BTBD9: variants seen among roughly 807,000 people sequenced by gnomAD.
BTBD9 encodes the protein BTB/POZ domain-containing protein 9.
A neutral mutation model predicts 64.3 loss-of-function variants in BTBD9; 49 were observed. That is an observed-to-expected ratio of 0.76 (90% CI 0.61 to 0.97). The LOEUF (loss-of-function observed/expected upper bound fraction) is 0.97. BTBD9 is among the 50% of genes least tolerant of loss of function. The pLI, the probability that BTBD9 is intolerant of heterozygous loss-of-function variation, is 0.00. For missense variants in BTBD9, 598 were observed against 762.1 expected (o/e 0.78, Z 2.53); for synonymous variants, 260 against 274.7 (o/e 0.95, Z 0.53).
chr6:38,395,759 G>T (rs1562124621), intron 6 of BTBD9, among the ~76,000 whole-genome samples: 1 of 151,556 alleles, frequency 6.6e-6, no homozygotes, highest in Non-Finnish European at 1.5e-5. Context: ...GCCCAGGCTG[G>T]AGTGCAGCGG....
Position 38,483,792 on chromosome 6 carries a change from C to A in BTBD9, c.1154+93808G>T, listed in dbSNP as rs74750847. 1.3e-3 allele frequency among the ~76,000 whole-genome samples: 192 copies of A among 152,288 alleles called. 4 individuals are homozygous for A. The South Asian group carries it at 0.019, about 15-fold the overall frequency. On this transcript the variant is annotated intron_variant, in intron 6 of 10. Transcript: ENST00000481247. ...TCCCTTAGATTGCTGCATAGCCAAG[C>A]CAACTTCTTGTAATTCAAGTTTTGG...
intron 7 of BTBD9, among the ~76,000 whole-genome samples, chr6:38,340,409 C>G (rs1238329986): frequency 6.6e-6 from 1 of 152,092 alleles, no homozygotes; most frequent in Admixed American, 6.6e-5. Flanking sequence ...CTATCAAGGA[C>G]TACTAAAGTC....
At chr6:38,375,945 AAGAAGGAAAG>A (rs1413162262) in intron 6 of BTBD9, among the ~76,000 whole-genome samples, 180 of 82,650 alleles carry the variant, frequency 2.2e-3, no homozygotes, top group African/African-American at 0.011. Flanking sequence ...GAAAGAAGGA[AAGAAGGAAAG>A]AAAGAAAGAA....
intron 9 of BTBD9, among the ~76,000 whole-genome samples, chr6:38,232,524 C>T (rs1053506748): frequency 6.6e-6 from 1 of 152,100 alleles, no homozygotes; most frequent in Admixed American, 6.5e-5. Flanking sequence ...CCTGCCTCAG[C>T]AGAAAAGAGA....
intron 1 of BTBD9, among the ~76,000 whole-genome samples, chr6:38,635,744 A>G (rs1023594480): frequency 9.9e-5 from 15 of 152,226 alleles, no homozygotes; most frequent in African/African-American, 3.6e-4. Context: ...CCTAGCCTCC[A>G]GAACTATCAG....
In BTBD9 at chr6:38,217,697, T is replaced by C. The variant is rs1388609310; in HGVS notation, c.1563-25100A>G. On this transcript the variant is annotated intron_variant, in intron 9 of 10. Coordinates refer to ENST00000481247, the MANE Select transcript of BTBD9 (RefSeq NM_001099272.2). ...TTAAACATTATTATTTTTTTCTTTT[T>C]TCTTTTTTTTTTTTTAACTGAGAGA... Among the ~76,000 whole-genome samples the C allele has an allele frequency of 2.0e-4, 28 of 141,896 alleles. 1 individual carries two copies. The highest frequency in any genetic ancestry group is 7.3e-4 in the African/African-American group (27 of 36,944). The allele number at this position is 141,896 out of a possible 152,430, so 93.1% of individuals were successfully genotyped here. A position where few individuals can be genotyped will look rare whatever the true frequency, so the allele number is the denominator to read the frequency against.
chr6:38,632,496 C>G (rs192697724), intron 1 of BTBD9, among the ~76,000 whole-genome samples: 1 of 152,318 alleles, frequency 6.6e-6, no homozygotes, highest in African/African-American at 2.4e-5. Flanking sequence ...GCTGGGAAAT[C>G]TCAGGTAAAC....
chr6:38,189,174 ACT>A (rs1761944885), intron 10 of BTBD9, among the ~76,000 whole-genome samples: 1 of 151,770 alleles, frequency 6.6e-6, no homozygotes, highest in African/African-American at 2.4e-5. Context: ...GTGGTGCTGC[ACT>A]CTCATCTCCA....
intron 9 of BTBD9, among the ~76,000 whole-genome samples, chr6:38,254,795 C>A (rs1223533642): frequency 6.6e-6 from 1 of 152,192 alleles, no homozygotes; most frequent in African/African-American, 2.4e-5. Flanking sequence ...AAAATTAGAA[C>A]CCTCAGCCAT....
At chr6:38,251,606 T>C (rs890628256) in intron 9 of BTBD9, among the ~76,000 whole-genome samples, 1 of 152,052 alleles carries the variant, frequency 6.6e-6, no homozygotes, top group Non-Finnish European at 1.5e-5. Context: ...TTCTCAACTA[T>C]AAAAATATTT....
intron 9 of BTBD9, among the ~76,000 whole-genome samples, chr6:38,197,878 G>C (rs1349326870): frequency 6.6e-6 from 1 of 152,194 alleles, no homozygotes; most frequent in Non-Finnish European, 1.5e-5. Flanking sequence ...AAAACGTACA[G>C]GTCTGTAAAA....
chr6:38,457,958 G>C (rs1391277658), intron 6 of BTBD9, among the ~76,000 whole-genome samples: 1 of 152,166 alleles, frequency 6.6e-6, no homozygotes, highest in African/African-American at 2.4e-5. Context: ...GGCATGATAT[G>C]TAAGGGAAGA....
At chr6:38,281,396 C>A (rs1047184803) in intron 8 of BTBD9, among the ~76,000 whole-genome samples, 4 of 152,002 alleles carry the variant, frequency 2.6e-5, no homozygotes, top group Admixed American at 2.6e-4. Context: ...GAAAAATATA[C>A]CAGATGAATA....
At chr6:38,209,750 G>A (rs1762768388) in intron 9 of BTBD9, among the ~76,000 whole-genome samples, 1 of 152,144 alleles carries the variant, frequency 6.6e-6, no homozygotes, top group South Asian at 2.1e-4. Flanking sequence ...CTTCTGTCCC[G>A]ACTACAGTCC....
At chr6:38,594,387 T>C (rs984407326) in intron 2 of BTBD9, 60 bp from the exon 3 acceptor site, 93 of 1,505,728 alleles carry the variant, frequency 6.2e-5, no homozygotes, top group Non-Finnish European at 8.0e-5. Flanking sequence ...TACAAAATAT[T>C]GGAAATAACA....
At chr6:38,316,012 T>C (rs1763015207) in intron 7 of BTBD9, among the ~76,000 whole-genome samples, 1 of 152,212 alleles carries the variant, frequency 6.6e-6, no homozygotes, top group Non-Finnish European at 1.5e-5. Context: ...TATATATTTA[T>C]AATTGTCATA....
intron 1 of BTBD9, among the ~76,000 whole-genome samples, chr6:38,633,788 T>C (rs1562448694): frequency 6.6e-6 from 1 of 151,908 alleles, no homozygotes. Context: ...ACAAATTTGA[T>C]TGCTAAAAAA....
At chr6:38,472,481 T>C (rs1207305354) in intron 6 of BTBD9, among the ~76,000 whole-genome samples, 1 of 152,106 alleles carries the variant, frequency 6.6e-6, no homozygotes, top group African/African-American at 2.4e-5. Flanking sequence ...GGCACTGTCA[T>C]AGAAAGGTCC....
chr6:38,218,266 T>C (rs527492558), intron 9 of BTBD9, among the ~76,000 whole-genome samples: 3 of 152,370 alleles, frequency 2.0e-5, no homozygotes, highest in African/African-American at 7.2e-5. Context: ...CACACATTCA[T>C]TTTTAAAATG....
Sources: allele counts gnomAD v4.1 joint callset (sites outside exome capture counted in the v4.1 genomes callset), GRCh38; gene constraint gnomAD v4.1.1; transcripts MANE v1.5; gene names NCBI Gene and HGNC (gene_info 2026-07-23, HGNC 2026-07-21).